Variants in C8orf34 observed in about 807,000 individuals in gnomAD.
The protein encoded by C8orf34 is chromosome 8 open reading frame 34.
In C8orf34, 65 loss-of-function variants were observed where a neutral mutation model predicts 68.3. That is an observed-to-expected ratio of 0.95 (90% CI 0.78 to 1.17). The LOEUF is 1.17. C8orf34 is among the 50% of genes most tolerant of loss of function. C8orf34 has a pLI of 0.00. For synonymous variants in C8orf34, 244 were observed against 241.2 expected, an observed-to-expected ratio of 1.01 and a Z score of -0.11; for missense variants, 664 against 655.4, an observed-to-expected ratio of 1.01 and a Z score of -0.14.
intron 10 of C8orf34, among the ~76,000 whole-genome samples, chr8:68,772,438 TC>T (rs1435640242): frequency 6.6e-6 from 1 of 152,198 alleles, no homozygotes; most frequent in East Asian, 1.9e-4. Context: ...TGAGAATGTT[TC>T]CTTAACTATA....
At chr8:68,449,044 T>A (rs1334100313) in intron 3 of C8orf34, among the ~76,000 whole-genome samples, 2 of 152,074 alleles carry the variant, frequency 1.3e-5, no homozygotes, top group Non-Finnish European at 2.9e-5. Flanking sequence ...ATAAACAGAA[T>A]AAATTGACTG....
At chr8:68,504,684 T>A (rs1240182597) in intron 5 of C8orf34, among the ~76,000 whole-genome samples, 1 of 120,768 alleles carries the variant, frequency 8.3e-6, no homozygotes, top group South Asian at 2.5e-4. Context: ...CATGCCTAAT[T>A]TTTTTTTTTT....
At chr8:68,539,004 TAAATA>T (rs1288409366) in intron 7 of C8orf34, among the ~76,000 whole-genome samples, 2 of 152,298 alleles carry the variant, frequency 1.3e-5, no homozygotes, top group East Asian at 3.9e-4. Context: ...CATGCTTATG[TAAATA>T]AAATTATAAA....
intron 10 of C8orf34, among the ~76,000 whole-genome samples, chr8:68,742,440 G>A (rs1338249888): frequency 1.3e-5 from 2 of 152,128 alleles, no homozygotes; most frequent in Admixed American, 6.5e-5. Context: ...ACATCCATAA[G>A]CCTGTATTCA....
chr8:68,344,325 A>T (rs1474865553), intron 1 of C8orf34, among the ~76,000 whole-genome samples: 1 of 152,232 alleles, frequency 6.6e-6, no homozygotes, highest in Admixed American at 6.5e-5. Context: ...TTTACGTATT[A>T]TATGATTGTG....
chr8:68,597,593 T>TGA (rs1273972390), intron 7 of C8orf34, among the ~76,000 whole-genome samples: 1 of 151,990 alleles, frequency 6.6e-6, no homozygotes, highest in Non-Finnish European at 1.5e-5. Context: ...TGTGTGTGTG[T>TGA]GTGTGTGTGC....
chr8:68,363,656 T>A, intron 1 of C8orf34, among the ~76,000 whole-genome samples: 3 of 51,924 alleles, frequency 5.8e-5, no homozygotes, highest in Non-Finnish European at 1.1e-4. Context: ...GCTTCATAAG[T>A]GAAGGAGAAA....
intron 7 of C8orf34, among the ~76,000 whole-genome samples, chr8:68,603,381 C>A (rs1012952341): frequency 6.6e-6 from 1 of 152,022 alleles, no homozygotes; most frequent in South Asian, 2.1e-4. Context: ...AAATGAGATG[C>A]TCCTGACTAT....
At chr8:68,521,642 C>G (rs1180763578) in intron 5 of C8orf34, among the ~76,000 whole-genome samples, 157 bp from the exon 6 acceptor site, 1 of 152,140 alleles carries the variant, frequency 6.6e-6, no homozygotes, top group Non-Finnish European at 1.5e-5. Flanking sequence ...ATCACTAGAA[C>G]AAGCTATCTA....
At chr8:68,578,709 C>T (rs972452758) in intron 7 of C8orf34, among the ~76,000 whole-genome samples, 1 of 151,414 alleles carries the variant, frequency 6.6e-6, no homozygotes, top group Admixed American at 6.6e-5. Context: ...AGCAGGTTTT[C>T]TCTTCATTTG....
chr8:68,649,440 T>C (rs1819277721), intron 8 of C8orf34, among the ~76,000 whole-genome samples: 1 of 152,092 alleles, frequency 6.6e-6, no homozygotes, highest in South Asian at 2.1e-4. Flanking sequence ...AAATAAAACA[T>C]ATTAGAATGG....
intron 7 of C8orf34, among the ~76,000 whole-genome samples, chr8:68,618,329 C>T (rs1818288470): frequency 1.3e-5 from 2 of 151,900 alleles, no homozygotes; most frequent in African/African-American, 4.8e-5. Context: ...AAATATAGTT[C>T]TTTACTTTTG....
chr8:68,810,517 T>A (rs1824615422), intron 12 of C8orf34, among the ~76,000 whole-genome samples: 1 of 152,082 alleles, frequency 6.6e-6, no homozygotes, highest in Non-Finnish European at 1.5e-5. Flanking sequence ...CTTCTCTACT[T>A]CTCGTAGCCC....
chr8:68,749,172 G>C (rs544724538), intron 10 of C8orf34, among the ~76,000 whole-genome samples: 1 of 151,760 alleles, frequency 6.6e-6, no homozygotes, highest in African/African-American at 2.4e-5. Context: ...TCACTCATAG[G>C]TGGGAATTGA....
intron 7 of C8orf34, among the ~76,000 whole-genome samples, chr8:68,622,041 C>A (rs1331559997): frequency 6.6e-6 from 1 of 152,198 alleles, no homozygotes; most frequent in Non-Finnish European, 1.5e-5. Flanking sequence ...GGGGAAGGAT[C>A]TGTCTCCAAG....
At chr8:68,454,148 A>G (rs1811455015) in intron 3 of C8orf34, among the ~76,000 whole-genome samples, 1 of 152,018 alleles carries the variant, frequency 6.6e-6, no homozygotes, top group Non-Finnish European at 1.5e-5. Context: ...TCCTTTTAAT[A>G]TGCTGCTGGA....
chr8:68,720,116 C>T (rs557378252), intron 9 of C8orf34, among the ~76,000 whole-genome samples: 1 of 151,968 alleles, frequency 6.6e-6, no homozygotes, highest in South Asian at 2.1e-4. Context: ...TTTTTAATAT[C>T]TATGTTCTGT....
intron 10 of C8orf34, among the ~76,000 whole-genome samples, chr8:68,740,843 C>A (rs891427829): frequency 2.6e-5 from 4 of 152,194 alleles, no homozygotes; most frequent in Non-Finnish European, 5.9e-5. Context: ...TGCCCACCAA[C>A]GGTAGACTGG....
intron 8 of C8orf34, among the ~76,000 whole-genome samples, chr8:68,659,011 T>C (rs73265889): frequency 0.01 from 1,588 of 152,278 alleles, 22 homozygotes; most frequent in African/African-American, 0.035. Context: ...TTTACAATTT[T>C]TGTAAACTCA....
Sources: allele counts gnomAD v4.1 joint callset (sites outside exome capture counted in the v4.1 genomes callset), GRCh38; gene constraint gnomAD v4.1.1; transcripts MANE v1.5; gene names NCBI Gene and HGNC (gene_info 2026-07-23, HGNC 2026-07-21).